TRDMT1: variants seen among roughly 807,000 people sequenced by gnomAD.
The protein encoded by TRDMT1 is tRNA (cytosine(38)-C(5))-methyltransferase.
A neutral mutation model predicts 51.2 loss-of-function variants in TRDMT1; 49 were observed. The ratio of observed to expected loss-of-function variants is 0.96; its 90% CI spans 0.76 to 1.21. The LOEUF is 1.21. Among genes scored for constraint, TRDMT1 ranks in the 50% most tolerant of loss-of-function variants. The pLI, the probability that TRDMT1 is intolerant of heterozygous loss-of-function variation, is 0.00. For synonymous variants in TRDMT1, 187 were observed against 164.6 expected, an observed-to-expected ratio of 1.14 and a Z score of -1.04; for missense variants, 534 against 462.3, an observed-to-expected ratio of 1.16 and a Z score of -1.42.
chr10:17,154,078 A>G (rs1839163569), intron 9 of TRDMT1, among the ~76,000 whole-genome samples: 1 of 152,204 alleles, frequency 6.6e-6, no homozygotes, highest in South Asian at 2.1e-4. Context: ...AGCAAATATA[A>G]TTTCTCAAAT....
chr10:17,190,407 C>A (rs1408588455), intron 1 of TRDMT1, among the ~76,000 whole-genome samples: 6 of 144,140 alleles, frequency 4.2e-5, no homozygotes, highest in South Asian at 2.3e-4. Context: ...ATAAAGAGTT[C>A]ATATTTCTTG....
intron 7 of TRDMT1, among the ~76,000 whole-genome samples, chr10:17,158,426 T>C (rs944254306): frequency 6.6e-6 from 1 of 152,140 alleles, no homozygotes; most frequent in Non-Finnish European, 1.5e-5. Flanking sequence ...GTATATTAAC[T>C]TTACATTGGA....
chr10:17,177,029 G>A (rs1026316303), intron 1 of TRDMT1, among the ~76,000 whole-genome samples: 4 of 151,864 alleles, frequency 2.6e-5, no homozygotes, highest in Non-Finnish European at 5.9e-5. Flanking sequence ...TTGAAACAGA[G>A]GAAGAGGATG....
intron 10 of TRDMT1, chr10:17,150,831 AT>A: frequency 2.0e-6 from 2 of 984,796 alleles, no homozygotes; most frequent in Non-Finnish European, 2.4e-6. Context: ...AGGTAAGCAC[AT>A]TATTTATCTA....
rs890651727 is a variant in TRDMT1 at position 17,144,602 on chromosome 10, A to G, written c.*4438T>C. 10 of 985,530 alleles carry G rather than the reference A, an allele frequency of 1.0e-5. No individual in the cohort carries two copies. In the East Asian group the frequency reaches 1.0e-3, roughly 101 times the overall value. 61.0% of individuals were successfully genotyped at this position (985,530 alleles called of 1,614,324 possible). On this transcript the variant is annotated 3_prime_UTR_variant, in exon 11 of 11. Coordinates refer to ENST00000377799, the MANE Select transcript of TRDMT1 (RefSeq NM_004412.7). ...GCCAATGTATATGAGAACTTGGGGA[A>G]TACAAAGCCAAAACAGCTCATTGTA...
intron 1 of TRDMT1, among the ~76,000 whole-genome samples, chr10:17,189,552 ATATAGTTT>A (rs1049492383): frequency 3.3e-5 from 5 of 152,198 alleles, no homozygotes; most frequent in African/African-American, 1.2e-4. Context: ...TATTCAAATA[ATATAGTTT>A]TAACAATTAT....
At chr10:17,170,028 T>C (rs1305677471) in intron 2 of TRDMT1, among the ~76,000 whole-genome samples, 1 of 152,092 alleles carries the variant, frequency 6.6e-6, no homozygotes, top group East Asian at 1.9e-4. Context: ...GATAAGCAAC[T>C]GGACGTGGAA....
chr10:17,144,344 G>GGT lies in TRDMT1; in HGVS notation c.*4695_*4696insAC. 4.1e-6 allele frequency: 4 copies of GGT among 985,388 alleles called. No homozygotes were observed. Among genetic ancestry groups the GGT allele is most frequent in the Non-Finnish European group, 4.8e-6 (4 of 829,916 alleles). 61.0% of individuals were successfully genotyped at this position (985,388 alleles called of 1,614,324 possible). On this transcript the variant is annotated 3_prime_UTR_variant, in exon 11 of 11. Coordinates refer to ENST00000377799, the MANE Select transcript of TRDMT1 (RefSeq NM_004412.7). Reference sequence around the variant, plus strand: ...GCAAATATTTGAAGTAAACACTGAAGCCATGCTAGGTACAAGCAAAGAAAT... The same window carrying GGT: ...GCAAATATTTGAAGTAAACACTGAAGGTCCATGCTAGGTACAAGCAAAGAAAT...
At chr10:17,157,873 C>T (rs1839782482) in intron 7 of TRDMT1, 89 bp from the exon 8 acceptor site, 1 of 945,606 alleles carries the variant, frequency 1.1e-6, no homozygotes, top group African/African-American at 1.6e-5. Flanking sequence ...ACGAAAACAA[C>T]CTCATTAGCC....
chr10:17,174,315 C>T (rs888000478), intron 2 of TRDMT1, among the ~76,000 whole-genome samples: 3 of 152,168 alleles, frequency 2.0e-5, no homozygotes, highest in African/African-American at 7.2e-5. Flanking sequence ...CATATCCTTA[C>T]ATTTCAATTA....
rs570225467 is a variant in TRDMT1, at chr10:17,147,991, T to A, written c.*1049A>T. 7 of 984,714 alleles carry A rather than the reference T, an allele frequency of 7.1e-6. No individual in the cohort carries two copies. In the South Asian group the frequency reaches 2.8e-4, roughly 40 times the overall value. 61.0% of individuals were successfully genotyped at this position (984,714 alleles called of 1,614,324 possible). A position where few individuals can be genotyped will look rare whatever the true frequency, so the allele number is the denominator to read the frequency against. ...ATAGCTGATTTTTAAGAAGAAAAAT[T>A]TGAATTAAAATCTTGTAATATGATT... On this transcript the variant is annotated 3_prime_UTR_variant, in exon 11 of 11. Coordinates refer to ENST00000377799, the MANE Select transcript of TRDMT1 (RefSeq NM_004412.7).
In TRDMT1 at chr10:17,154,691, C is replaced by T. The variant is rs1212758033; in HGVS notation, c.931G>A (p.Ala311Thr). 2.5e-6 allele frequency: 4 copies of T among 1,602,846 alleles called. No homozygotes were observed. Among genetic ancestry groups the T allele is most frequent in the Admixed American group, 1.7e-5 (1 of 58,302 alleles). ...IEGTGSVLQT[A>T]EDVQVENIYK... ...ATGCATAGTACCTGCACATCCTCTG[C>T]AGTCTGTAACACAGACCCTGTCCCT... Residue 311 changes from alanine (A) to threonine (T), a missense_variant, in exon 9 of 11, where the codon GCA becomes ACA. Ala to Thr is a moderately conservative substitution (Grantham distance 58). Coordinates refer to ENST00000377799, the MANE Select transcript of TRDMT1 (RefSeq NM_004412.7).
Position 17,139,528 on chromosome 10 carries a change from G to GA in TRDMT1, c.*9511dup, listed in dbSNP as rs898525424. 1.2e-4 allele frequency among the ~76,000 whole-genome samples: 18 copies of GA among 151,472 alleles called. No homozygotes were observed. The highest frequency in any genetic ancestry group is 7.2e-4 in the Admixed American group (11 of 15,234). On this transcript the variant is annotated 3_prime_UTR_variant, in exon 11 of 11. Coordinates refer to ENST00000377799, the MANE Select transcript of TRDMT1 (RefSeq NM_004412.7). ...TTGGTTCTCTTCTGGGAAGGAAAAT[G>GA]AAAAAAAAGAAAAAGAAAACAAAGT...
chr10:17,148,528 G>C lies in TRDMT1; in HGVS notation c.*512C>G. 1.0e-6 allele frequency: 1 copy of C among 985,086 alleles called. No individual in the cohort carries two copies. The highest frequency in any genetic ancestry group is 1.2e-6 in the Non-Finnish European group (1 of 829,664). The allele number at this position is 985,086 out of a possible 1,614,324, so 61.0% of individuals were successfully genotyped here. A position where few individuals can be genotyped will look rare whatever the true frequency, so the allele number is the denominator to read the frequency against. On this transcript the variant is annotated 3_prime_UTR_variant, in exon 11 of 11. Coordinates refer to ENST00000377799, the MANE Select transcript of TRDMT1 (RefSeq NM_004412.7). ...TATTCTTCAGTCTGCTGTATAAACT[G>C]AATGATGATAATTTGGTTTACATAT... is the stretch of plus-strand genomic sequence containing the variant.
At chr10:17,179,891 G>C (rs532555227) in intron 1 of TRDMT1, among the ~76,000 whole-genome samples, 1 of 152,084 alleles carries the variant, frequency 6.6e-6, no homozygotes, top group Non-Finnish European at 1.5e-5. Flanking sequence ...TTGGGGAAAG[G>C]ATTTTTTTAA....
Position 17,145,662 on chromosome 10 carries a change from C to G in TRDMT1, c.*3378G>C, listed in dbSNP as rs11254399. The G allele has an allele frequency of 0.15, 146,662 of 985,236 alleles. 11,077 individuals are homozygous for G. The highest frequency in any genetic ancestry group is 0.17 in the Admixed American group (2,795 of 16,284). The allele number at this position is 985,236 out of a possible 1,614,324, so 61.0% of individuals were successfully genotyped here. ...AATTCAGGAAAACCCACTTTAATCT[C>G]TTTGTCTATGTGGGATTAAAATTTG... On this transcript the variant is annotated 3_prime_UTR_variant, in exon 11 of 11. Transcript: ENST00000377799.
chr10:17,150,300 C>A (rs1415651625), intron 10 of TRDMT1: 1 of 776,202 alleles, frequency 1.3e-6, no homozygotes, highest in Admixed American at 6.3e-5. Flanking sequence ...TGACTCAAAT[C>A]CTTGCCCATT....
chr10:17,192,009 C>T (rs1467043417), intron 1 of TRDMT1, among the ~76,000 whole-genome samples: 6 of 152,166 alleles, frequency 3.9e-5, no homozygotes, highest in African/African-American at 1.2e-4. Flanking sequence ...TGGCATTAGT[C>T]AGGGTGTGAC....
At chr10:17,184,415 AATT>A (rs1299457394) in intron 1 of TRDMT1, among the ~76,000 whole-genome samples, 1 of 151,204 alleles carries the variant, frequency 6.6e-6, no homozygotes, top group Non-Finnish European at 1.5e-5. Context: ...GTAAAAATAT[AATT>A]ATTTTAATAT....
Sources: allele counts gnomAD v4.1 joint callset (sites outside exome capture counted in the v4.1 genomes callset), GRCh38; gene constraint gnomAD v4.1.1; transcripts MANE v1.5; gene names NCBI Gene and HGNC (gene_info 2026-07-23, HGNC 2026-07-21).